BRF1: variants seen among roughly 807,000 people sequenced by gnomAD.
The protein encoded by BRF1 is BRF1 general transcription factor IIIB subunit.
A neutral mutation model predicts 81.7 loss-of-function variants in BRF1; 59 were observed. The observed-to-expected ratio is 0.72, with a 90% confidence interval of 0.59 to 0.90. BRF1 has a LOEUF of 0.90. BRF1 is among the 40% of genes least tolerant of loss of function. The pLI, the probability that BRF1 is intolerant of heterozygous loss-of-function variation, is 0.00. For missense variants in BRF1, 1,050 were observed against 936.3 expected (o/e 1.12, Z -1.58); for synonymous variants, 491 against 395.6 (o/e 1.24, Z -2.86).
Position 105,218,812 on chromosome 14 carries a change from T to C in BRF1, c.1515+186A>G, listed in dbSNP as rs587706946. ...GGTGAGGCCGACGGCTGGGCGCCTG[T>C]GGCCAGCACGGGGCAGGACCTAGTG... On this transcript the variant is annotated intron_variant, in intron 14 of 17. Coordinates refer to ENST00000547530, the MANE Select transcript of BRF1 (RefSeq NM_001519.4). Among the ~76,000 whole-genome samples, 3 of 152,344 alleles carry C rather than the reference T, an allele frequency of 2.0e-5. No individual in the cohort carries two copies. In the South Asian group the frequency reaches 6.2e-4, roughly 32 times the overall value.
chr14:105,307,296 T>C (rs986116658), intron 1 of BRF1, among the ~76,000 whole-genome samples: 3 of 152,106 alleles, frequency 2.0e-5, no homozygotes, highest in Non-Finnish European at 4.4e-5. Flanking sequence ...ACTAGCCCCC[T>C]GCCCTAAATC....
At chr14:105,263,650 G>A (rs587636241) in intron 3 of BRF1, among the ~76,000 whole-genome samples, 82 of 152,096 alleles carry the variant, frequency 5.4e-4, no homozygotes, top group African/African-American at 1.9e-3. Flanking sequence ...TCCCGGCCGG[G>A]CGCGATGGCT....
At chr14:105,305,020 C>T (rs993160967), upstream of BRF1, among the ~76,000 whole-genome samples, 12 of 152,196 alleles carry the variant, frequency 7.9e-5, no homozygotes, top group Non-Finnish European at 1.5e-4. Flanking sequence ...GACGTCCTTG[C>T]CCCAAGGCGA....
chr14:105,314,661 CGGGTCGGAG>C (rs1451278160), intron 1 of BRF1: 12 of 143,420 alleles, frequency 8.4e-5, no homozygotes, highest in Admixed American at 8.2e-4. Context: ...GGCGCCGGCG[CGGGTCGGAG>C]GGCGCCGGGC....
At chr14:105,262,049 G>A (rs951473590) in intron 3 of BRF1, among the ~76,000 whole-genome samples, 70 of 152,320 alleles carry the variant, frequency 4.6e-4, no homozygotes, top group South Asian at 2.1e-4. Flanking sequence ...AACCCACCAA[G>A]GGCAAGGCCC....
In BRF1 at chr14:105,217,694, C is replaced by A. The variant is rs376948887; in HGVS notation, c.1622G>T (p.Ser541Ile). 1.2e-6 allele frequency: 2 copies of A among 1,613,436 alleles called. No homozygotes were observed. Among genetic ancestry groups the A allele is most frequent in the Admixed American group, 1.7e-5 (1 of 60,030 alleles). Residue 541 changes from serine to isoleucine, a missense_variant, in exon 15 of 18, where the codon AGC (serine) becomes ATC (isoleucine). Around this residue, in one of 2 missense-constraint regions of BRF1, gnomAD observed 1,043 missense variants for 915.4 expected, o/e 1.14. Coordinates refer to ENST00000547530, the MANE Select transcript of BRF1 (RefSeq NM_001519.4). ...QKKISSKINY[S>I]VLRGLSSAGG... ...GGCGCTGCTGAGGCCCCGGAGCACGCTATAATTGATCTTGCTGGAGATCTT... is the reference window on the plus strand; with the variant it reads ...GGCGCTGCTGAGGCCCCGGAGCACGATATAATTGATCTTGCTGGAGATCTT...
intron 1 of BRF1, among the ~76,000 whole-genome samples, chr14:105,313,376 G>A (rs2058405606): frequency 1.3e-5 from 2 of 152,170 alleles, no homozygotes; most frequent in Non-Finnish European, 2.9e-5. Flanking sequence ...GAGATCCACC[G>A]GCCCTCTGCC....
chr14:105,229,622 G>A (rs587766467), intron 6 of BRF1, among the ~76,000 whole-genome samples: 2 of 152,196 alleles, frequency 1.3e-5, no homozygotes, highest in East Asian at 1.9e-4. Context: ...GGTCCAACTA[G>A]AACAGTCGCC....
chr14:105,282,130 C>T (rs587639837), intron 2 of BRF1, among the ~76,000 whole-genome samples: 90 of 152,308 alleles, frequency 5.9e-4, no homozygotes, highest in African/African-American at 2.0e-3. Context: ...CTGGTGGACC[C>T]GGAGCAGATG....
rs2057260232 is a variant in BRF1 at position 105,284,928 on chromosome 14, C to A, written c.265+1368G>T. Among the ~76,000 whole-genome samples, 1 of 152,114 alleles carries A rather than the reference C, an allele frequency of 6.6e-6. No individual in the cohort carries two copies. The highest frequency in any genetic ancestry group is 1.5e-5 in the Non-Finnish European group (1 of 68,024). On this transcript the variant is annotated intron_variant, in intron 2 of 17. Coordinates refer to ENST00000547530, the MANE Select transcript of BRF1 (RefSeq NM_001519.4). This position sits in a 1 kb window ranked among gnomAD's most constrained non-coding sequence, Gnocchi z 4.0. ...TCAGCCAGGCTGCAAGATACAAGAT[C>A]AATACATATCAACTGAGACTAAATT...
Position 105,209,885 on chromosome 14 carries a change from T to G in BRF1, c.*666A>C. On this transcript the variant is annotated 3_prime_UTR_variant, in exon 18 of 18. Coordinates refer to ENST00000547530, the MANE Select transcript of BRF1 (RefSeq NM_001519.4). Reference sequence around the variant, plus strand: ...TGGAGCAGGGGTCTGACCCCCATGCTGCTCCAGGCGGTGCAGGCAGCGGGG... The same window carrying G: ...TGGAGCAGGGGTCTGACCCCCATGCGGCTCCAGGCGGTGCAGGCAGCGGGG... 1 of 414,246 alleles carries G rather than the reference T, an allele frequency of 2.4e-6. No individual in the cohort carries two copies. The allele number at this position is 414,246 out of a possible 1,614,324, so 25.7% of individuals were successfully genotyped here.
Position 105,271,868 on chromosome 14 carries a change from G to A in BRF1, c.439+853C>T, listed in dbSNP as rs140036758. Among the ~76,000 whole-genome samples the A allele has an allele frequency of 0.19, 24,919 of 132,840 alleles. 3,013 individuals are homozygous for A. The highest frequency in any genetic ancestry group is 0.27 in the Middle Eastern group (65 of 240). The allele number at this position is 132,840 out of a possible 152,430, so 87.1% of individuals were successfully genotyped here. On this transcript the variant is annotated intron_variant, in intron 3 of 17. Transcript: ENST00000547530. This position sits in a 1 kb window ranked among gnomAD's most constrained non-coding sequence, Gnocchi z 5.5. ...CCCGCCCACCGCCTGCAGTCACGGT[G>A]TCCACGCACAAGGCCAAGCTGCACA...
chr14:105,273,525 A>ATT (rs2056750675), intron 2 of BRF1, among the ~76,000 whole-genome samples: 1 of 152,168 alleles, frequency 6.6e-6, no homozygotes. Flanking sequence ...AAGGGAAGAC[A>ATT]TAAGAGACTC....
chr14:105,212,268 T>G (rs955662189), intron 15 of BRF1, 104 bp from the exon 16 acceptor site: 5 of 1,446,216 alleles, frequency 3.5e-6, no homozygotes, highest in African/African-American at 1.4e-5. Context: ...AATTGACTGT[T>G]TCTCTGTCCC....
chr14:105,247,561 GAACATTCACT>G (rs1429134948), intron 5 of BRF1: 32 of 985,272 alleles, frequency 3.2e-5, no homozygotes, highest in Non-Finnish European at 3.5e-5. Flanking sequence ...CTCTCCCAGG[GAACATTCACT>G]ACAACTGTAA....
At position 105,211,292 on chromosome 14, in the gene BRF1, G is replaced by T; in HGVS notation, c.1826C>A (p.Ala609Asp). 6.3e-7 allele frequency: 1 copy of T among 1,592,356 alleles called. No individual in the cohort carries two copies. ...QPAKKVATGE[A>D]LLPSSPTLGA... The stretch of plus-strand genomic sequence containing the variant: ...GAGGGTGGGAGAGCTTGGGAGCAAA[G>T]CCTGGAACGAAGTGGGGCTCTGACA... The change falls in exon 17 of 18, where the codon GCT (alanine) becomes GAT (aspartate). Residue 609 changes from alanine (A) to aspartate (D), a missense_variant and splice_region_variant. By Grantham distance (126) the Ala-to-Asp change is moderately radical. Around this residue, in one of 2 missense-constraint regions of BRF1, gnomAD observed 1,043 missense variants for 915.4 expected, o/e 1.14. Transcript: ENST00000547530.
At chr14:105,302,856 C>T (rs587739390), upstream of BRF1, among the ~76,000 whole-genome samples, 9 of 152,240 alleles carry the variant, frequency 5.9e-5, no homozygotes, top group African/African-American at 1.9e-4. Context: ...GCTGGGATTA[C>T]AGGCATGAGC....
chr14:105,217,804 G>C lies in BRF1; in HGVS notation c.1516-4C>G, dbSNP rs746083107. The C allele has an allele frequency of 1.1e-5, 17 of 1,608,912 alleles. No homozygotes were observed. Among genetic ancestry groups the C allele is most frequent in the Admixed American group, 1.7e-5 (1 of 59,960 alleles). On this transcript the variant is annotated splice_region_variant and splice_polypyrimidine_tract_variant and intron_variant, in intron 14 of 17. Transcript: ENST00000547530. ...GTCGCTTGCAAGACTTCTTGGGCTT[G>C]AGGGAAACAAGCAAGAATGCCTCCC...
intron 6 of BRF1, among the ~76,000 whole-genome samples, chr14:105,229,551 C>G (rs587705211): frequency 3.9e-5 from 6 of 152,196 alleles, no homozygotes; most frequent in African/African-American, 1.2e-4. Context: ...CCACATCCAC[C>G]CACCAGCACC....
Sources: allele counts gnomAD v4.1 joint callset (sites outside exome capture counted in the v4.1 genomes callset), GRCh38; gene constraint gnomAD v4.1.1; regional missense constraint gnomAD v4.1.1; non-coding constraint Gnocchi (gnomAD v3.1); transcripts MANE v1.5; gene names NCBI Gene and HGNC (gene_info 2026-07-23, HGNC 2026-07-21).